CORIN: variants seen among roughly 807,000 people sequenced by gnomAD.
CORIN encodes atrial natriuretic peptide-converting enzyme.
In CORIN, 117 loss-of-function variants were observed where a neutral mutation model predicts 125.3. The ratio of observed to expected loss-of-function variants is 0.93; its 90% CI spans 0.80 to 1.09. CORIN has a LOEUF of 1.09. Ranked by LOEUF, CORIN falls within the 50% of genes least tolerant of loss-of-function variation. The pLI, the probability that CORIN is intolerant of heterozygous loss-of-function variation, is 0.00. For synonymous variants in CORIN, 450 were observed against 466.4 expected (o/e 0.96, Z 0.45); for missense variants, 1,253 against 1,306.7 (o/e 0.96, Z 0.63).
intron 16 of CORIN, among the ~76,000 whole-genome samples, chr4:47,627,508 G>C (rs964129994): frequency 6.6e-6 from 1 of 152,128 alleles, no homozygotes. Context: ...ATGAAGAAGA[G>C]TGGCTTAAGA....
intron 1 of CORIN, among the ~76,000 whole-genome samples, chr4:47,833,647 G>A (rs894278734): frequency 4.0e-5 from 6 of 151,778 alleles, no homozygotes; most frequent in Admixed American, 6.6e-5. Context: ...AAATATTTGC[G>A]AATCATATAT....
intron 5 of CORIN, among the ~76,000 whole-genome samples, chr4:47,711,328 T>C (rs780344480): frequency 6.6e-6 from 1 of 152,248 alleles, no homozygotes; most frequent in African/African-American, 2.4e-5. Flanking sequence ...TGCCTCCATG[T>C]ACCCAGCCAA....
intron 1 of CORIN, among the ~76,000 whole-genome samples, chr4:47,810,902 C>A (rs1405166416): frequency 6.6e-6 from 1 of 152,172 alleles, no homozygotes; most frequent in Non-Finnish European, 1.5e-5. Context: ...TCAAACTCAA[C>A]AAGTCTGGAA....
chr4:47,706,515 G>A (rs1726563939), intron 5 of CORIN: 5 of 1,611,416 alleles, frequency 3.1e-6, no homozygotes, highest in South Asian at 2.2e-5. Context: ...CTGATAAAGC[G>A]CGCCAACTGG....
chr4:47,750,162 G>C (rs772709083), intron 4 of CORIN, among the ~76,000 whole-genome samples: 3 of 152,166 alleles, frequency 2.0e-5, no homozygotes, highest in Non-Finnish European at 4.4e-5. Context: ...GGTTTCCTAT[G>C]TCAGCATCTT....
At chr4:47,777,035 T>C (rs1405035120) in intron 3 of CORIN, among the ~76,000 whole-genome samples, 1 of 152,224 alleles carries the variant, frequency 6.6e-6, no homozygotes, top group Non-Finnish European at 1.5e-5. Context: ...GCCTGTCTTA[T>C]AGAATTTCTC....
At chr4:47,784,000 T>A (rs1270212541) in intron 3 of CORIN, among the ~76,000 whole-genome samples, 1 of 151,942 alleles carries the variant, frequency 6.6e-6, no homozygotes, top group Non-Finnish European at 1.5e-5. Context: ...GATCTTGGAG[T>A]CCTAAGATCT....
chr4:47,793,023 A>G (rs999497799), intron 2 of CORIN, among the ~76,000 whole-genome samples: 1 of 152,088 alleles, frequency 6.6e-6, no homozygotes, highest in Non-Finnish European at 1.5e-5. Context: ...AGATTTGTAG[A>G]AGCCTGTTGT....
intron 1 of CORIN, among the ~76,000 whole-genome samples, chr4:47,811,345 G>A (rs557525704): frequency 6.6e-6 from 1 of 152,290 alleles, no homozygotes; most frequent in East Asian, 1.9e-4. Flanking sequence ...TAGGGTGTAC[G>A]AGGTTTTGAG....
In CORIN at chr4:47,757,101, G is replaced by A. The variant is rs565748031; in HGVS notation, c.617+6278C>T. Among the ~76,000 whole-genome samples, 18 of 152,180 alleles carry A rather than the reference G, an allele frequency of 1.2e-4. No individual in the cohort carries two copies. In the South Asian group the frequency reaches 2.1e-3, roughly 18 times the overall value. On this transcript the variant is annotated intron_variant, in intron 4 of 21. Coordinates refer to ENST00000273857, the MANE Select transcript of CORIN (RefSeq NM_006587.4). ...GCAAATCTTCATTATTTGGTTAGCA[G>A]GGGAAATTAGTATGATGAATGATCC...
At chr4:47,612,808 T>A (rs1422383750) in intron 19 of CORIN, among the ~76,000 whole-genome samples, 1 of 152,134 alleles carries the variant, frequency 6.6e-6, no homozygotes, top group African/African-American at 2.4e-5. Flanking sequence ...TTGTGAGTCA[T>A]AAGGTGACAG....
chr4:47,662,973 T>C (rs1446434277), intron 11 of CORIN, among the ~76,000 whole-genome samples: 2 of 152,238 alleles, frequency 1.3e-5, no homozygotes, highest in Non-Finnish European at 2.9e-5. Flanking sequence ...AGTTCAATAG[T>C]TGATAACTGT....
chr4:47,817,278 C>CTA (rs1040616960), intron 1 of CORIN, among the ~76,000 whole-genome samples: 4 of 127,386 alleles, frequency 3.1e-5, no homozygotes, highest in South Asian at 5.1e-4. Flanking sequence ...ATACTACTAA[C>CTA]TATATATATA....
At chr4:47,673,425 C>T (rs1724862596) in intron 10 of CORIN, among the ~76,000 whole-genome samples, 1 of 149,838 alleles carries the variant, frequency 6.7e-6, no homozygotes, top group Non-Finnish European at 1.5e-5. Flanking sequence ...AACTGACTGA[C>T]CTGCTTTTAA....
rs1729520670 is a variant in CORIN, at chr4:47,762,631, T to TAC, written c.617+747_617+748insGT. ...GAGTGGAAGAACCACCCAACATCTA[T>TAC]GTATGGTTCACACTTGCTTTAAAGT... On this transcript the variant is annotated intron_variant, in intron 4 of 21. Transcript: ENST00000273857. 6.6e-5 allele frequency among the ~76,000 whole-genome samples: 10 copies of TAC among 152,318 alleles called. No homozygotes were observed. In the Middle Eastern group the frequency reaches 0.014, roughly 207 times the overall value.
At chr4:47,782,153 G>A (rs1000256531) in intron 3 of CORIN, among the ~76,000 whole-genome samples, 5 of 151,926 alleles carry the variant, frequency 3.3e-5, no homozygotes, top group Admixed American at 3.3e-4. Flanking sequence ...GGGAGGCCAA[G>A]GTGGGCAGAT....
At chr4:47,796,287 G>A (rs1440642704) in intron 2 of CORIN, among the ~76,000 whole-genome samples, 1 of 151,962 alleles carries the variant, frequency 6.6e-6, no homozygotes, top group East Asian at 1.9e-4. Flanking sequence ...TAAAAAAGAA[G>A]AAAATCTTAT....
At chr4:47,661,986 C>G in intron 11 of CORIN, 130 bp from the exon 12 acceptor site, 1 of 839,232 alleles carries the variant, frequency 1.2e-6, no homozygotes, top group South Asian at 2.7e-5. Context: ...ATAAAAGATG[C>G]ACATATATAT....
chr4:47,730,472 CAAAAAAAAAAAAAA>C (rs71199996), intron 5 of CORIN, among the ~76,000 whole-genome samples: 5 of 66,030 alleles, frequency 7.6e-5, no homozygotes, highest in Admixed American at 3.2e-4. Flanking sequence ...GACTCCATCT[CAAAAAAAAAAAAAA>C]AAAAAAAAAA....
Sources: allele counts gnomAD v4.1 joint callset (sites outside exome capture counted in the v4.1 genomes callset), GRCh38; gene constraint gnomAD v4.1.1; transcripts MANE v1.5; gene names NCBI Gene and HGNC (gene_info 2026-07-23, HGNC 2026-07-21).